Variants in NFIA observed in about 807,000 individuals in gnomAD.
NFIA encodes nuclear factor I A.
NFIA carries 8 observed loss-of-function variants against 62.8 expected under a neutral mutation model. That is an observed-to-expected ratio of 0.13 (90% CI 0.07 to 0.23). The LOEUF is 0.23. NFIA is among the 10% of genes least tolerant of loss of function. The probability of loss-of-function intolerance (pLI) is 1.00; values close to 1 mark genes in which losing one functional copy is unlikely to be tolerated. For synonymous variants in NFIA, 235 were observed against 238.1 expected (o/e 0.99, Z 0.12); for missense variants, 410 against 642.1 (o/e 0.64, Z 3.91).
At chr1:61,199,090 G>A (rs942645503) in intron 2 of NFIA, among the ~76,000 whole-genome samples, 2 of 152,058 alleles carry the variant, frequency 1.3e-5, no homozygotes, top group East Asian at 3.9e-4. Context: ...AACGTGGCTG[G>A]TACCCTTCAG....
At chr1:61,376,792 C>G (rs189583553) in intron 6 of NFIA, among the ~76,000 whole-genome samples, 2 of 152,252 alleles carry the variant, frequency 1.3e-5, no homozygotes, top group Admixed American at 6.5e-5. Flanking sequence ...CCAGAGAGAC[C>G]TGGATCTGCA....
intron 3 of NFIA, among the ~76,000 whole-genome samples, chr1:61,278,991 A>C (rs985176500): frequency 6.6e-6 from 1 of 152,194 alleles, no homozygotes; most frequent in South Asian, 2.1e-4. Flanking sequence ...AGTATCTTTC[A>C]TAGAGTTTAT....
chr1:61,382,575 T>G (rs1206464418), intron 6 of NFIA, among the ~76,000 whole-genome samples: 1 of 152,218 alleles, frequency 6.6e-6, no homozygotes, highest in East Asian at 1.9e-4. Flanking sequence ...ACATCCTATT[T>G]TGTAATTGCC....
intron 2 of NFIA, among the ~76,000 whole-genome samples, chr1:61,273,642 C>T (rs1489364357): frequency 6.6e-6 from 1 of 152,182 alleles, no homozygotes. Flanking sequence ...CTGGGCCAGG[C>T]ACCCTGTGGA....
chr1:61,221,296 T>C (rs189350489), intron 2 of NFIA, among the ~76,000 whole-genome samples: 106 of 152,224 alleles, frequency 7.0e-4, no homozygotes, highest in African/African-American at 2.6e-3. Flanking sequence ...TATTATGGAA[T>C]TGAAACATTT....
chr1:61,235,522 A>T, intron 2 of NFIA, among the ~76,000 whole-genome samples: 1 of 150,432 alleles, frequency 6.6e-6, no homozygotes, highest in Non-Finnish European at 1.5e-5. Context: ...AAAATAAAAA[A>T]AAATGAACAA....
intron 3 of NFIA, among the ~76,000 whole-genome samples, chr1:61,290,769 C>G (rs1658830299): frequency 6.6e-6 from 1 of 152,186 alleles, no homozygotes; most frequent in South Asian, 2.1e-4. Flanking sequence ...TTAGCACGTG[C>G]TCCACCAGTA....
chr1:61,191,767 C>CT (rs974559342), intron 2 of NFIA, among the ~76,000 whole-genome samples: 1 of 152,062 alleles, frequency 6.6e-6, no homozygotes, highest in South Asian at 2.1e-4. Context: ...CAGAGATCTG[C>CT]TTTTTTCCCC....
intron 2 of NFIA, among the ~76,000 whole-genome samples, chr1:61,275,652 T>G (rs1012244768): frequency 6.6e-6 from 1 of 152,184 alleles, no homozygotes; most frequent in East Asian, 1.9e-4. Flanking sequence ...ATCAAGAATT[T>G]TAATTTTCCC....
intron 2 of NFIA, among the ~76,000 whole-genome samples, chr1:61,207,974 CTT>C (rs11444962): frequency 9.6e-4 from 111 of 115,382 alleles, no homozygotes; most frequent in African/African-American, 2.5e-3. Flanking sequence ...TGCACTGAAC[CTT>C]TTTTTTTTTT....
chr1:61,114,821 A>G (rs1646769236), intron 2 of NFIA, among the ~76,000 whole-genome samples: 1 of 152,194 alleles, frequency 6.6e-6, no homozygotes, highest in African/African-American at 2.4e-5. Context: ...AAGACACTAG[A>G]AAAGATTTGA....
At chr1:61,391,534 A>G (rs568463845) in intron 7 of NFIA, among the ~76,000 whole-genome samples, 156 of 151,256 alleles carry the variant, frequency 1.0e-3, no homozygotes, top group African/African-American at 3.6e-3. Context: ...GGCGTGTGCC[A>G]CCATGCCCAG....
At chr1:61,246,184 G>T (rs560599019) in intron 2 of NFIA, among the ~76,000 whole-genome samples, 1 of 152,274 alleles carries the variant, frequency 6.6e-6, no homozygotes, top group East Asian at 1.9e-4. Flanking sequence ...TTATCCTGTT[G>T]TGAAGATCTA....
Position 61,231,704 on chromosome 1 carries a change from C to G in NFIA, c.560-45816C>G, listed in dbSNP as rs60823419. 2.0e-3 allele frequency among the ~76,000 whole-genome samples: 303 copies of G among 152,150 alleles called. 6 individuals carry two copies. In the East Asian group the frequency reaches 0.056, roughly 28 times the overall value. ...TCTAAGCTGAGTATAGTGGCACATG[C>G]CTATAGTCCCAGCTACTCAGGAGGC... is the stretch of plus-strand genomic sequence containing the variant. On this transcript the variant is annotated intron_variant, in intron 2 of 10. Coordinates refer to ENST00000403491, the MANE Select transcript of NFIA (RefSeq NM_001134673.4).
intron 2 of NFIA, among the ~76,000 whole-genome samples, chr1:61,201,362 TTC>T (rs1652478162): frequency 6.6e-6 from 1 of 152,178 alleles, no homozygotes; most frequent in South Asian, 2.1e-4. Flanking sequence ...TAAAATGTAA[TTC>T]TTTTTCTTTT....
chr1:61,240,482 T>A (rs898869822), intron 2 of NFIA, among the ~76,000 whole-genome samples: 1 of 152,086 alleles, frequency 6.6e-6, no homozygotes, highest in Non-Finnish European at 1.5e-5. Flanking sequence ...ACAGGCTAGC[T>A]CATTTAGACT....
intron 3 of NFIA, among the ~76,000 whole-genome samples, chr1:61,330,443 C>CCCCCCCACACA (rs554691317): frequency 2.2e-5 from 2 of 90,620 alleles, no homozygotes; most frequent in African/African-American, 6.3e-5. Flanking sequence ...TACACCCCCC[C>CCCCCCCACACA]CACACACACA....
At chr1:61,305,998 C>G (rs1659755255) in intron 3 of NFIA, among the ~76,000 whole-genome samples, 1 of 151,892 alleles carries the variant, frequency 6.6e-6, no homozygotes, top group Non-Finnish European at 1.5e-5. Context: ...CAGGCACACA[C>G]CACCACGCCC....
intron 1 of NFIA, among the ~76,000 whole-genome samples, chr1:61,085,592 A>G (rs1168011625): frequency 1.3e-5 from 2 of 151,946 alleles, no homozygotes; most frequent in Non-Finnish European, 2.9e-5. Flanking sequence ...CTAATCATTT[A>G]TGCTATTCCT....
Sources: gnomAD v4.1 joint callset for allele counts (sites outside exome capture counted in the v4.1 genomes callset) on GRCh38, gnomAD v4.1.1 for gene constraint, MANE v1.5 for transcripts, NCBI Gene and HGNC (gene_info 2026-07-23, HGNC 2026-07-21) for gene names.